The following SYT5 variants were observed in gnomAD, a reference collection of about 807,000 sequenced individuals.
The protein encoded by SYT5 is synaptotagmin 5, also known as synaptotagmin-5.
SYT5 carries 29 observed loss-of-function variants against 36.0 expected under a neutral mutation model. The ratio of observed to expected loss-of-function variants is 0.81; its 90% CI spans 0.60 to 1.10. The LOEUF (loss-of-function observed/expected upper bound fraction) is 1.10. SYT5 is among the 50% of genes least tolerant of loss of function. The pLI is 0.00. For synonymous variants in SYT5, 231 were observed against 227.6 expected (o/e 1.02, Z -0.14); for missense variants, 512 against 516.0 (o/e 0.99, Z 0.08).
chr19:55,174,532 G>A lies in SYT5; in HGVS notation c.945C>T (p.Pro315=). 6.2e-7 allele frequency: 1 copy of A among 1,614,074 alleles called. No homozygotes were observed. The highest frequency in any genetic ancestry group is 8.5e-7 in the Non-Finnish European group (1 of 1,179,968). The change falls in exon 8 of 9, where the codon CCC becomes CCT. Residue 315 remains proline (P), a synonymous_variant. Transcript: ENST00000354308. ...TTGAGCTCACCTGGACTTGGTCACA[G>A]GGCACCTCGAAGCTGAAAGCTTCGT... ...YYNEAFSFEV[P]CDQVQKVQVE... is the part of the protein sequence containing the mutation.
Position 55,175,817 on chromosome 19 carries a change from C to T in SYT5, c.432G>A (p.Ser144=), listed in dbSNP as rs1044487634. The change falls in exon 5 of 9, where the codon TCG becomes TCA. Residue 144 remains serine, a synonymous_variant. Transcript: ENST00000354308. The surrounding 1 kb of genome is among the most constrained non-coding windows in gnomAD (Gnocchi z 4.5). ...GLAALDLGGS[S]DPYVRVYLLP... ...GCAGGTAGACCCGCACATAGGGGTC[C>T]GAGGAGCCACCAAGATCCAAGGCTG... 9 of 1,614,002 alleles carry T rather than the reference C, an allele frequency of 5.6e-6. No homozygotes were observed. The Admixed American group carries it at 6.7e-5, about 12-fold the overall frequency.
intron 2 of SYT5, among the ~76,000 whole-genome samples, chr19:55,178,629 C>A (rs1305698338): frequency 6.6e-6 from 1 of 151,978 alleles, no homozygotes; most frequent in African/African-American, 2.4e-5. Flanking sequence ...CTGCTCAACT[C>A]CTGATGCTTT....
At position 55,173,682 on chromosome 19, in the gene SYT5, C is replaced by T. The variant is rs1178494253; in HGVS notation, c.963G>A (p.Lys321=). Residue 321 remains lysine, a splice_region_variant and synonymous_variant, in exon 9 of 9, where the codon AAG becomes AAA. Transcript: ENST00000354308. This position sits in a 1 kb window ranked among gnomAD's most constrained non-coding sequence, Gnocchi z 5.4. The part of the protein sequence containing the change: ...SFEVPCDQVQ[K]VQVELTVLDY... ...CCAGCACGGTCAGCTCCACCTGCACCTTCTGGGGTGGGCGCGGGAGGAAGA... is the reference window on the plus strand; with the variant it reads ...CCAGCACGGTCAGCTCCACCTGCACTTTCTGGGGTGGGCGCGGGAGGAAGA... 1 of 1,393,152 alleles carries T rather than the reference C, an allele frequency of 7.2e-7. No homozygotes were observed. The highest frequency in any genetic ancestry group is 9.4e-7 in the Non-Finnish European group (1 of 1,067,846). 86.3% of individuals were successfully genotyped at this position (1,393,152 alleles called of 1,614,324 possible).
Position 55,173,111 on chromosome 19 carries a change from A to C in SYT5, c.*373T>G. 1.6e-5 allele frequency: 3 copies of C among 193,252 alleles called. No individual in the cohort carries two copies. The highest frequency in any genetic ancestry group is 1.1e-5 in the Non-Finnish European group (1 of 94,886). 12.0% of individuals were successfully genotyped at this position (193,252 alleles called of 1,614,324 possible). On this transcript the variant is annotated 3_prime_UTR_variant, in exon 9 of 9. Transcript: ENST00000354308. The surrounding 1 kb of genome is among the most constrained non-coding windows in gnomAD (Gnocchi z 5.4). ...GGGCCCAGGCCACCGGAGCTGCTGAATATTTATTTGGCCCCAGGAGCAGTG... is the reference window on the plus strand; with the variant it reads ...GGGCCCAGGCCACCGGAGCTGCTGACTATTTATTTGGCCCCAGGAGCAGTG...
At position 55,178,381 on chromosome 19, in the gene SYT5, G is replaced by A. The variant is rs977063356; in HGVS notation, c.80-13C>T. ...GCCCAGGGGGGCACTGCAGAGGGGT[G>A]GAGACAACACACATTGAGGCCTGGG... On this transcript the variant is annotated splice_polypyrimidine_tract_variant and intron_variant, in intron 2 of 8. Transcript: ENST00000354308. The A allele has an allele frequency of 4.4e-6, 7 of 1,606,872 alleles. No homozygotes were observed. Among genetic ancestry groups the A allele is most frequent in the Middle Eastern group, 1.7e-4 (1 of 6,044 alleles).
Position 55,176,076 on chromosome 19 carries a change from G to T in SYT5, c.301C>A (p.Gln101Lys). Residue 101 changes from glutamine (Q) to lysine (K), a missense_variant, in exon 4 of 9, where the codon CAG becomes AAG. Coordinates refer to ENST00000354308, the MANE Select transcript of SYT5 (RefSeq NM_003180.3). ...AGCTCATGCTTGTCTGCCACCTGCT[G>T]CCCTGGCCCGGATGGTGCTGGCTCC... ...ELEPAPSGPGQQVADKHELGR... is the reference protein window; with the variant it reads ...ELEPAPSGPGKQVADKHELGR... 1 of 1,614,198 alleles carries T rather than the reference G, an allele frequency of 6.2e-7. No individual in the cohort carries two copies. Among genetic ancestry groups the T allele is most frequent in the Non-Finnish European group, 8.5e-7 (1 of 1,180,036 alleles).
intron 3 of SYT5, among the ~76,000 whole-genome samples, chr19:55,176,911 T>A (rs2086082647): frequency 6.6e-6 from 1 of 152,064 alleles, no homozygotes; most frequent in Non-Finnish European, 1.5e-5. Context: ...GGACAGTGAG[T>A]TCTCCAAGGT....
intron 2 of SYT5, 24 bp downstream of exon 2, chr19:55,178,939 C>T (rs756585477): frequency 6.8e-7 from 1 of 1,477,116 alleles, no homozygotes; most frequent in Admixed American, 2.5e-5. Flanking sequence ...TCTGCTCGGC[C>T]CCCCACCCCC....
At position 55,174,557 on chromosome 19, in the gene SYT5, T is replaced by C. The variant is rs2086048932; in HGVS notation, c.920A>G (p.Asn307Ser). 6.2e-7 allele frequency: 1 copy of C among 1,613,922 alleles called. No homozygotes were observed. The highest frequency in any genetic ancestry group is 1.3e-5 in the African/African-American group (1 of 74,908). The change falls in exon 8 of 9, where the codon AAC becomes AGC. Residue 307 changes from asparagine (N) to serine (S), a missense_variant. Coordinates refer to ENST00000354308, the MANE Select transcript of SYT5 (RefSeq NM_003180.3). Reference protein sequence around the residue: ...IKKNTLNPYYNEAFSFEVPCD... With the variant: ...IKKNTLNPYYSEAFSFEVPCD... ...GGGCACCTCGAAGCTGAAAGCTTCG[T>C]TGTAATAGGGGTTCAGAGTGTTCTT...
chr19:55,176,512 G>A (rs889154953), intron 3 of SYT5, among the ~76,000 whole-genome samples: 5 of 152,224 alleles, frequency 3.3e-5, no homozygotes, highest in African/African-American at 1.2e-4. Flanking sequence ...AGCAAAACAT[G>A]GAGGAGAAAT....
chr19:55,175,172 C>T lies in SYT5; in HGVS notation c.708G>A (p.Glu236=). 2 of 1,596,348 alleles carry T rather than the reference C, an allele frequency of 1.3e-6. No homozygotes were observed. Among genetic ancestry groups the T allele is most frequent in the South Asian group, 1.1e-5 (1 of 89,388 alleles). The change falls in exon 6 of 9, where the codon GAG becomes GAA. Residue 236 remains glutamate (E), a splice_region_variant and synonymous_variant. Transcript: ENST00000354308. This position sits in a 1 kb window ranked among gnomAD's most constrained non-coding sequence, Gnocchi z 4.5. ...TCGGGGCGCGACCGCGCATGCTCAC[C>T]TCCTCCCGCGGAGCCGCCTGCAGCT... The part of the protein sequence containing the change: ...WRELQAAPRE[E]QEKLGDICFS...
rs757942973 is a variant in SYT5, at chr19:55,179,012, A to G, written c.30T>C (p.Pro10=). 6.3e-7 allele frequency: 1 copy of G among 1,599,848 alleles called. No individual in the cohort carries two copies. The highest frequency in any genetic ancestry group is 8.5e-7 in the Non-Finnish European group (1 of 1,173,854). The change falls in exon 2 of 9, where the codon CCT becomes CCC. Residue 10 remains proline, a synonymous_variant. Coordinates refer to ENST00000354308, the MANE Select transcript of SYT5 (RefSeq NM_003180.3). The surrounding 1 kb of genome is among the most constrained non-coding windows in gnomAD (Gnocchi z 4.5). ...AGTCGGGAGGCGTGTCGGGCGATGGAGGCCCCGGGGTTGGGGGCTCCGGGA... is the reference window on the plus strand; with the variant it reads ...AGTCGGGAGGCGTGTCGGGCGATGGGGGCCCCGGGGTTGGGGGCTCCGGGA... MFPEPPTPG[P]PSPDTPPDSS...
At position 55,173,824 on chromosome 19, in the gene SYT5, G is replaced by C. The variant is rs868751333; in HGVS notation, c.961-140C>G. The C allele has an allele frequency of 5.9e-6, 5 of 854,458 alleles. 1 individual carries two copies. In the South Asian group the frequency reaches 1.2e-4, roughly 20 times the overall value. The allele number at this position is 854,458 out of a possible 1,614,324, so 52.9% of individuals were successfully genotyped here. On this transcript the variant is annotated intron_variant, in intron 8 of 8. Coordinates refer to ENST00000354308, the MANE Select transcript of SYT5 (RefSeq NM_003180.3). The surrounding 1 kb of genome is among the most constrained non-coding windows in gnomAD (Gnocchi z 5.4). ...GGCCCCGGAGCTCGGGACGGGGGAG[G>C]GGGTGGGAGACGAGAGGGACGGAGC...
In SYT5 at chr19:55,173,471, C is replaced by T; in HGVS notation, c.*13G>A. 1 of 1,347,922 alleles carries T rather than the reference C, an allele frequency of 7.4e-7. No individual in the cohort carries two copies. The highest frequency in any genetic ancestry group is 9.5e-7 in the Non-Finnish European group (1 of 1,050,916). The allele number at this position is 1,347,922 out of a possible 1,614,324, so 83.5% of individuals were successfully genotyped here. On this transcript the variant is annotated 3_prime_UTR_variant, in exon 9 of 9. Transcript: ENST00000354308. The surrounding 1 kb of genome is among the most constrained non-coding windows in gnomAD (Gnocchi z 5.4). The stretch of plus-strand genomic sequence containing the variant: ...GCTAGAGTCCAGGCTTGGCCGGGGG[C>T]TTGGGGTGGGAGTCAGGGCGCAGGC...
In SYT5 at chr19:55,175,739, G is replaced by A. The variant is rs2086068781; in HGVS notation, c.510C>T (p.Asn170=). ...AGGCGAAGGTCTCCCCAAAGTGAGGGTTCAGCGTCTGCCGATGCACCTTGG... is the reference window on the plus strand; with the variant it reads ...AGGCGAAGGTCTCCCCAAAGTGAGGATTCAGCGTCTGCCGATGCACCTTGG... ...YETKVHRQTL[N]PHFGETFAFK... is the part of the protein sequence containing the mutation. The change falls in exon 5 of 9, where the codon AAC becomes AAT. Residue 170 remains asparagine, a synonymous_variant. Transcript: ENST00000354308. The surrounding 1 kb of genome is among the most constrained non-coding windows in gnomAD (Gnocchi z 4.5). 1.2e-6 allele frequency: 2 copies of A among 1,613,898 alleles called. No homozygotes were observed. The highest frequency in any genetic ancestry group is 1.7e-6 in the Non-Finnish European group (2 of 1,180,026).
Position 55,175,016 on chromosome 19 carries a change from C to A in SYT5, c.709-17G>T. On this transcript the variant is annotated splice_polypyrimidine_tract_variant and intron_variant, in intron 6 of 8. Transcript: ENST00000354308. The surrounding 1 kb of genome is among the most constrained non-coding windows in gnomAD (Gnocchi z 4.5). ...CTTCTCCTGCTGAAAGGAGAGGGGC[C>A]CATCACCAGAGCCCCGGCTCCACAT... 1 of 1,609,548 alleles carries A rather than the reference C, an allele frequency of 6.2e-7. No homozygotes were observed.
Position 55,174,913 on chromosome 19 carries a change from G to C in SYT5, c.795C>G (p.Asn265Lys), listed in dbSNP as rs2086054042. Residue 265 changes from asparagine to lysine, a missense_variant, in exon 7 of 9, where the codon AAC becomes AAG. Asn to Lys is a moderately conservative substitution (Grantham distance 94). Coordinates refer to ENST00000354308, the MANE Select transcript of SYT5 (RefSeq NM_003180.3). ...KLTVIVLEAK[N>K]LKKMDVGGLS... ...GTCCTCCTACGTCCATCTTCTTCAG[G>C]TTTTTAGCCTCCAGGACGATGACGG... is the stretch of plus-strand genomic sequence containing the variant. 6.2e-7 allele frequency: 1 copy of C among 1,613,992 alleles called. No homozygotes were observed. The highest frequency in any genetic ancestry group is 1.7e-5 in the Admixed American group (1 of 59,976).
intron 8 of SYT5, among the ~76,000 whole-genome samples, chr19:55,174,195 G>C (rs771395920): frequency 3.3e-5 from 5 of 150,502 alleles, no homozygotes; most frequent in African/African-American, 4.9e-5. Context: ...GGGCATCCTG[G>C]TCCTGCTTGG....
In SYT5 at chr19:55,175,057, G is replaced by C; in HGVS notation, c.709-58C>G. 1.2e-6 allele frequency: 2 copies of C among 1,602,532 alleles called. No homozygotes were observed. The highest frequency in any genetic ancestry group is 2.2e-5 in the South Asian group (2 of 90,830). On this transcript the variant is annotated intron_variant, in intron 6 of 8. Coordinates refer to ENST00000354308, the MANE Select transcript of SYT5 (RefSeq NM_003180.3). The surrounding 1 kb of genome is among the most constrained non-coding windows in gnomAD (Gnocchi z 4.5). ...GGCTCCACATCCATGCCTCCTCAGG[G>C]GTACAATCCACGCCGCCCTGAGGGT...
Sources: allele counts gnomAD v4.1 joint callset (sites outside exome capture counted in the v4.1 genomes callset), GRCh38; gene constraint gnomAD v4.1.1; non-coding constraint Gnocchi (gnomAD v3.1); transcripts MANE v1.5; gene names NCBI Gene and HGNC (gene_info 2026-07-23, HGNC 2026-07-21).